The following BCAS3 variants were observed in gnomAD, a reference collection of about 807,000 sequenced individuals.
BCAS3 encodes BCAS4/BCAS3 fusion.
Under a neutral mutation model 116.1 loss-of-function variants are expected in BCAS3, and 53 were observed. The observed-to-expected ratio is 0.46, with a 90% CI of 0.37 to 0.57. BCAS3 has a LOEUF of 0.57. BCAS3 is among the 20% of genes least tolerant of loss of function. The pLI is 0.00. For synonymous variants in BCAS3, 391 were observed against 408.2 expected (o/e 0.96, Z 0.51); for missense variants, 917 against 1,165.4 (o/e 0.79, Z 3.10).
intron 9 of BCAS3, among the ~76,000 whole-genome samples, chr17:60,877,207 C>T (rs1249622610): frequency 2.0e-5 from 3 of 151,336 alleles, no homozygotes; most frequent in Non-Finnish European, 4.4e-5. Context: ...CACATATATA[C>T]ATATATATGC....
At position 61,205,700 on chromosome 17, in the gene BCAS3, T is replaced by C. The variant is rs1333014009; in HGVS notation, c.2425+121136T>C. Among the ~76,000 whole-genome samples the C allele has an allele frequency of 6.6e-6, 1 of 152,206 alleles. No individual in the cohort carries two copies. The highest frequency in any genetic ancestry group is 1.5e-5 in the Non-Finnish European group (1 of 68,020). ...CATCAGAGGATATGCTTCTTTTATG[T>C]TCCTTAGACTCTTGCCCAGCATGCT... On this transcript the variant is annotated intron_variant, in intron 22 of 23. Transcript: ENST00000407086. The surrounding 1 kb of genome is among the most constrained non-coding windows in gnomAD (Gnocchi z 5.2).
chr17:61,064,891 AT>A, intron 19 of BCAS3, among the ~76,000 whole-genome samples: 1 of 152,314 alleles, frequency 6.6e-6, no homozygotes, highest in South Asian at 2.1e-4. Flanking sequence ...TTGTTGTTGC[AT>A]TGGTATAGGG....
In BCAS3 at chr17:61,224,050, G is replaced by C. The variant is rs928329342; in HGVS notation, c.2425+139486G>C. Among the ~76,000 whole-genome samples, 3 of 152,172 alleles carry C rather than the reference G, an allele frequency of 2.0e-5. No homozygotes were observed. Among genetic ancestry groups the C allele is most frequent in the Non-Finnish European group, 2.9e-5 (2 of 68,014 alleles). ...CAATTTTTTTCAACCACCTCTAATT[G>C]AGAGTAGAAAAGCATTTGCTTTCTA... is the stretch of plus-strand genomic sequence containing the variant. On this transcript the variant is annotated intron_variant, in intron 22 of 23. Transcript: ENST00000407086. The surrounding 1 kb of genome is among the most constrained non-coding windows in gnomAD (Gnocchi z 5.7).
intron 4 of BCAS3, among the ~76,000 whole-genome samples, chr17:60,705,011 CAT>C (rs1229300803): frequency 1.3e-5 from 2 of 151,968 alleles, no homozygotes; most frequent in Admixed American, 6.6e-5. Flanking sequence ...GCTCACCACA[CAT>C]GATACTCTAT....
In BCAS3 at chr17:60,904,233, G is replaced by A. The variant is rs181300038; in HGVS notation, c.822+1530G>A. Among the ~76,000 whole-genome samples the A allele has an allele frequency of 2.4e-4, 37 of 151,926 alleles. No individual in the cohort carries two copies. The East Asian group carries it at 4.3e-3, about 18-fold the overall frequency. On this transcript the variant is annotated intron_variant, in intron 11 of 23. Transcript: ENST00000407086. The stretch of plus-strand genomic sequence containing the variant: ...AGCCTGGCCAACATAGTGAAACCCC[G>A]TCTCTACTAAAAATACAAATATTAG...
chr17:60,944,304 A>G (rs2060372071), intron 13 of BCAS3, among the ~76,000 whole-genome samples: 1 of 152,090 alleles, frequency 6.6e-6, no homozygotes, highest in African/African-American at 2.4e-5. Flanking sequence ...CAGATATTAA[A>G]AGGATGAATT....
chr17:60,922,902 A>G (rs548183525), intron 12 of BCAS3, among the ~76,000 whole-genome samples: 18 of 152,338 alleles, frequency 1.2e-4, no homozygotes, highest in Admixed American at 5.2e-4. Context: ...GAAAATGAAA[A>G]CAGAACATAT....
rs575291542 is a variant in BCAS3 at position 60,962,896 on chromosome 17, G to A, written c.1221+15544G>A. 2.6e-5 allele frequency among the ~76,000 whole-genome samples: 4 copies of A among 152,196 alleles called. No homozygotes were observed. The highest frequency in any genetic ancestry group is 3.9e-4 in the East Asian group (2 of 5,182). On this transcript the variant is annotated intron_variant, in intron 14 of 23. Transcript: ENST00000407086. The surrounding 1 kb of genome is among the most constrained non-coding windows in gnomAD (Gnocchi z 4.4). ...AGGTCTTAGATTTACGTCTTTAATC[G>A]ATTTTGATTTGATTTTTGTTATGGT...
rs2073183374 is a variant in BCAS3, at chr17:61,087,536, G to A, written c.2425+2972G>A. 1 of 152,092 alleles carries A rather than the reference G, an allele frequency of 6.6e-6. No homozygotes were observed. Among genetic ancestry groups the A allele is most frequent in the African/African-American group, 2.4e-5 (1 of 41,414 alleles). 9.4% of individuals were successfully genotyped at this position (152,092 alleles called of 1,614,324 possible). A position where few individuals can be genotyped will look rare whatever the true frequency, so the allele number is the denominator to read the frequency against. ...TCTTGGGTCTGCAGTTTATTTTCTA[G>A]ATATCTATGTATTAATCCAACAACG... On this transcript the variant is annotated intron_variant, in intron 22 of 23. Transcript: ENST00000407086. The surrounding 1 kb of genome is among the most constrained non-coding windows in gnomAD (Gnocchi z 4.6).
Position 61,367,143 on chromosome 17 carries a change from A to C in BCAS3, c.2426-1184A>C, listed in dbSNP as rs1483579519. ...TTCTGACGGCTGATCAAAGAGGAGA[A>C]GCAAGGCCTGATAAAGAGTGCGTGT... On this transcript the variant is annotated intron_variant, in intron 22 of 23. Transcript: ENST00000407086. The surrounding 1 kb of genome is among the most constrained non-coding windows in gnomAD (Gnocchi z 6.2). 6.6e-6 allele frequency among the ~76,000 whole-genome samples: 1 copy of C among 152,236 alleles called. No homozygotes were observed. Among genetic ancestry groups the C allele is most frequent in the African/African-American group, 2.4e-5 (1 of 41,460 alleles).
At chr17:60,714,719 T>A (rs1454926645) in intron 5 of BCAS3, among the ~76,000 whole-genome samples, 1 of 152,148 alleles carries the variant, frequency 6.6e-6, no homozygotes, top group Non-Finnish European at 1.5e-5. Context: ...TTAAACATTT[T>A]AAAAAATTGT....
intron 16 of BCAS3, among the ~76,000 whole-genome samples, chr17:61,031,284 G>T (rs542932221): frequency 6.6e-6 from 1 of 151,978 alleles, no homozygotes; most frequent in Non-Finnish European, 1.5e-5. Flanking sequence ...ATACATTCAC[G>T]TATGTATCAT....
Position 61,382,052 on chromosome 17 carries a change from G to A in BCAS3, c.2594-9925G>A, listed in dbSNP as rs560150390. Among the ~76,000 whole-genome samples, 7 of 151,996 alleles carry A rather than the reference G, an allele frequency of 4.6e-5. No individual in the cohort carries two copies. In the South Asian group the frequency reaches 1.5e-3, roughly 32 times the overall value. ...AAACTCTCATAAAGCCTGGGGCCGG[G>A]CGCGGTGGCTCACGCTTATAATCCC... is the stretch of plus-strand genomic sequence containing the variant. On this transcript the variant is annotated intron_variant, in intron 23 of 23. Transcript: ENST00000407086.
intron 15 of BCAS3, among the ~76,000 whole-genome samples, chr17:61,002,231 T>C (rs1358620441): frequency 6.6e-6 from 1 of 152,164 alleles, no homozygotes; most frequent in African/African-American, 2.4e-5. Context: ...TTTATATTTT[T>C]GTGTATTTCA....
rs1287067157 is a variant in BCAS3, at chr17:61,337,970, C to T, written c.2426-30357C>T. On this transcript the variant is annotated intron_variant, in intron 22 of 23. Coordinates refer to ENST00000407086, the MANE Select transcript of BCAS3 (RefSeq NM_017679.5). This position sits in a 1 kb window ranked among gnomAD's most constrained non-coding sequence, Gnocchi z 4.8. ...CTCTAGGGTATTGTTAGTCTGGGTT[C>T]TGACTTAGGAACTGCAGCGTCCCTT... is the stretch of plus-strand genomic sequence containing the variant. Among the ~76,000 whole-genome samples, 1 of 152,196 alleles carries T rather than the reference C, an allele frequency of 6.6e-6. No homozygotes were observed. The highest frequency in any genetic ancestry group is 1.5e-5 in the Non-Finnish European group (1 of 68,038).
At chr17:60,874,527 AG>A (rs2055412037) in intron 8 of BCAS3, 134 bp from the exon 9 acceptor site, 1 of 564,922 alleles carries the variant, frequency 1.8e-6, no homozygotes, top group African/African-American at 1.9e-5. Context: ...TAAATATTAT[AG>A]GAAATGTTTA....
intron 7 of BCAS3, among the ~76,000 whole-genome samples, chr17:60,853,857 G>T (rs552215638): frequency 6.6e-6 from 1 of 150,760 alleles, no homozygotes; most frequent in African/African-American, 2.4e-5. Flanking sequence ...CCTTTTTATT[G>T]CTGAATAATA....
intron 16 of BCAS3, among the ~76,000 whole-genome samples, chr17:61,022,479 C>T (rs1600540958): frequency 1.3e-5 from 2 of 152,006 alleles, no homozygotes; most frequent in Non-Finnish European, 2.9e-5. Flanking sequence ...CTCTTGACCT[C>T]GTGATCCACC....
chr17:60,830,774 A>T (rs994752794), intron 7 of BCAS3, among the ~76,000 whole-genome samples: 2 of 152,016 alleles, frequency 1.3e-5, no homozygotes, highest in Non-Finnish European at 2.9e-5. Flanking sequence ...TTATTATCTT[A>T]AAAATAAATT....
Sources: allele counts gnomAD v4.1 joint callset (sites outside exome capture counted in the v4.1 genomes callset), GRCh38; gene constraint gnomAD v4.1.1; non-coding constraint Gnocchi (gnomAD v3.1); transcripts MANE v1.5; gene names NCBI Gene and HGNC (gene_info 2026-07-23, HGNC 2026-07-21).